L3MBTL4: variants seen among roughly 807,000 people sequenced by gnomAD.
The protein encoded by L3MBTL4 is lethal(3)malignant brain tumor-like protein 4.
L3MBTL4 carries 70 observed loss-of-function variants against 84.5 expected under a neutral mutation model. The observed-to-expected ratio is 0.83, with a 90% CI of 0.68 to 1.01. The LOEUF (loss-of-function observed/expected upper bound fraction) is 1.01, where lower values mean the gene tolerates loss of function less well. L3MBTL4 is among the 50% of genes least tolerant of loss of function. The pLI is 0.00. For missense variants in L3MBTL4, 715 were observed against 754.8 expected, an observed-to-expected ratio of 0.95 and a Z score of 0.62; for synonymous variants, 274 against 259.8, an observed-to-expected ratio of 1.05 and a Z score of -0.52.
intron 16 of L3MBTL4, among the ~76,000 whole-genome samples, chr18:6,038,466 G>A (rs931086854): frequency 3.3e-5 from 5 of 151,964 alleles, no homozygotes; most frequent in African/African-American, 1.2e-4. Context: ...GTGTTAGCCA[G>A]GATGGTCTCG....
intron 5 of L3MBTL4, among the ~76,000 whole-genome samples, chr18:6,245,075 A>C (rs1465803674): frequency 1.3e-5 from 2 of 152,090 alleles, no homozygotes; most frequent in African/African-American, 2.4e-5. Context: ...TAATTTTTGC[A>C]GTTTTAGTAG....
intron 9 of L3MBTL4, among the ~76,000 whole-genome samples, chr18:6,238,404 G>A (rs1483646821): frequency 1.3e-5 from 2 of 152,100 alleles, no homozygotes; most frequent in East Asian, 1.9e-4. Context: ...GTGGTGGCGG[G>A]CGCCTGTAGT....
At chr18:6,276,587 T>C (rs1355404872) in intron 4 of L3MBTL4, among the ~76,000 whole-genome samples, 2 of 151,620 alleles carry the variant, frequency 1.3e-5, no homozygotes, top group Non-Finnish European at 2.9e-5. Context: ...TCATTTTTCA[T>C]TCCAAAAATA....
At position 6,241,403 on chromosome 18, in the gene L3MBTL4, G is replaced by A; in HGVS notation, c.507C>T (p.Cys169=). 1 of 1,605,516 alleles carries A rather than the reference G, an allele frequency of 6.2e-7. No individual in the cohort carries two copies. Among genetic ancestry groups the A allele is most frequent in the Non-Finnish European group, 8.5e-7 (1 of 1,175,142 alleles). The change falls in exon 8 of 19, where the codon TGC becomes TGT. Residue 169 remains cysteine, a synonymous_variant. Transcript: ENST00000317931. ...KFVWMDYLKA[C]KLQNAPKKLF... is the part of the protein sequence containing the mutation. ...ATTTCTTTGGAGCATTTTGCAATTT[G>A]CAGGCCTTCAAGTAATCCATCCAAA...
intron 13 of L3MBTL4, among the ~76,000 whole-genome samples, chr18:6,168,376 C>T (rs952258797): frequency 1.7e-4 from 26 of 152,244 alleles, no homozygotes; most frequent in Non-Finnish European, 3.1e-4. Flanking sequence ...CCAAGTCAAT[C>T]CTAAGCCAAA....
intron 13 of L3MBTL4, among the ~76,000 whole-genome samples, chr18:6,146,183 G>A (rs2042643422): frequency 6.6e-6 from 1 of 152,228 alleles, no homozygotes; most frequent in Non-Finnish European, 1.5e-5. Context: ...GCGTGGAGAG[G>A]GGATCGGTGA....
chr18:6,063,199 G>A (rs149165772), intron 16 of L3MBTL4, among the ~76,000 whole-genome samples: 19 of 151,770 alleles, frequency 1.3e-4, no homozygotes, highest in East Asian at 9.6e-4. Flanking sequence ...GTAGTATTCC[G>A]TGGTGTATAT....
At chr18:6,060,085 G>A (rs1176424705) in intron 16 of L3MBTL4, among the ~76,000 whole-genome samples, 1 of 152,006 alleles carries the variant, frequency 6.6e-6, no homozygotes, top group Admixed American at 6.6e-5. Context: ...TGTTTATGTT[G>A]TCTTACAACT....
intron 1 of L3MBTL4, chr18:6,374,419 G>A (rs766692741): frequency 1.2e-4 from 19 of 154,756 alleles, no homozygotes; most frequent in South Asian, 4.1e-4. Context: ...GCAATGTCTC[G>A]CCTTTTAGAT....
At chr18:6,199,235 G>T (rs1031670009) in intron 12 of L3MBTL4, among the ~76,000 whole-genome samples, 2 of 152,192 alleles carry the variant, frequency 1.3e-5, no homozygotes, top group Non-Finnish European at 2.9e-5. Flanking sequence ...GGCTTCTTAA[G>T]GTGGATGTGC....
chr18:6,050,191 G>T (rs1214422550), intron 16 of L3MBTL4, among the ~76,000 whole-genome samples: 2 of 152,148 alleles, frequency 1.3e-5, no homozygotes, highest in Admixed American at 1.3e-4. Flanking sequence ...AGGGTACTGG[G>T]TCAAAAGATG....
intron 14 of L3MBTL4, among the ~76,000 whole-genome samples, chr18:6,102,806 A>G (rs2058875643): frequency 6.6e-6 from 1 of 152,214 alleles, no homozygotes; most frequent in Admixed American, 6.5e-5. Flanking sequence ...CCAAGATGTG[A>G]TATTTAATTG....
chr18:6,408,546 C>T (rs2055830008), intron 1 of L3MBTL4, among the ~76,000 whole-genome samples: 1 of 152,194 alleles, frequency 6.6e-6, no homozygotes, highest in Non-Finnish European at 1.5e-5. Context: ...ATAATAGCCA[C>T]CTCCTTTAGA....
At chr18:6,012,583 G>C (rs2054785069) in intron 16 of L3MBTL4, among the ~76,000 whole-genome samples, 1 of 151,976 alleles carries the variant, frequency 6.6e-6, no homozygotes, top group Non-Finnish European at 1.5e-5. Context: ...CCAGCACTTT[G>C]GGAGGACAAG....
At chr18:6,297,217 C>T (rs1454700142) in intron 4 of L3MBTL4, among the ~76,000 whole-genome samples, 1 of 152,124 alleles carries the variant, frequency 6.6e-6, no homozygotes. Context: ...AATACTGTTG[C>T]TCTTAAGAAA....
intron 4 of L3MBTL4, among the ~76,000 whole-genome samples, chr18:6,299,642 T>C (rs1179415651): frequency 1.3e-5 from 2 of 152,076 alleles, no homozygotes; most frequent in Non-Finnish European, 2.9e-5. Flanking sequence ...ATAAAATCAC[T>C]ACTAAGAATT....
At chr18:5,965,092 C>T (rs1164118706) in intron 17 of L3MBTL4, among the ~76,000 whole-genome samples, 1 of 152,200 alleles carries the variant, frequency 6.6e-6, no homozygotes, top group East Asian at 1.9e-4. Context: ...CCACACACAT[C>T]CCTCACCAAA....
At chr18:6,411,109 T>G (rs2055946181) in intron 1 of L3MBTL4, among the ~76,000 whole-genome samples, 1 of 152,234 alleles carries the variant, frequency 6.6e-6, no homozygotes, top group African/African-American at 2.4e-5. Flanking sequence ...AAAAAATTAA[T>G]GCAAATGCTT....
At chr18:6,067,845 G>A (rs77004739) in intron 16 of L3MBTL4, among the ~76,000 whole-genome samples, 3,472 of 152,168 alleles carry the variant, frequency 0.023, 136 homozygotes, top group African/African-American at 0.08. Flanking sequence ...GATTTCTTGC[G>A]GATGCTGTAG....
Sources: allele counts gnomAD v4.1 joint callset (sites outside exome capture counted in the v4.1 genomes callset), GRCh38; gene constraint gnomAD v4.1.1; transcripts MANE v1.5; gene names NCBI Gene and HGNC (gene_info 2026-07-23, HGNC 2026-07-21).